The following NF1 variants were observed in gnomAD, a reference collection of about 807,000 sequenced individuals.
NF1 encodes neurofibromin 1.
NF1 carries 122 observed loss-of-function variants against 325.7 expected under a neutral mutation model. The ratio of observed to expected loss-of-function variants is 0.37; its 90% confidence interval spans 0.32 to 0.44. The LOEUF (loss-of-function observed/expected upper bound fraction) is 0.44, where lower values mean the gene tolerates loss of function less well. Ranked by LOEUF, NF1 falls within the 20% of genes least tolerant of loss-of-function variation. The pLI is 1.00. For missense variants in NF1, 2,140 were observed against 3,415.4 expected (o/e 0.63, Z 9.31); for synonymous variants, 1,091 against 1,186.0 (o/e 0.92, Z 1.65).
Position 31,258,347 on chromosome 17 carries a change from G to A in NF1, c.4177G>A (p.Val1393Ile), listed in dbSNP as rs2151461753. 1 of 1,613,484 alleles carries A rather than the reference G, an allele frequency of 6.2e-7. No individual in the cohort carries two copies. The highest frequency in any genetic ancestry group is 8.5e-7 in the Non-Finnish European group (1 of 1,179,818). The change falls in exon 32 of 58, where the codon GTT becomes ATT. Residue 1393 changes from valine (V) to isoleucine (I), a missense_variant. Physicochemically the swap from Val to Ile is conservative, Grantham distance 29 (BLOSUM62 3). Around this residue, in one of 10 missense-constraint regions of NF1, gnomAD observed 336 missense variants for 399.0 expected, o/e 0.84. Coordinates refer to ENST00000358273, the MANE Select transcript of NF1 (RefSeq NM_001042492.3). The part of the protein sequence containing the change: ...KEKKENKKSV[V>I]SQRFPQNSIG... ...ATTCTCAACTCCTTGTTTTTAGGTG[G>A]TTAGCCAGCGTTTCCCTCAGAACAG...
intron 1 of NF1, among the ~76,000 whole-genome samples, chr17:31,108,267 T>G (rs28643482): frequency 0.045 from 1,290 of 28,928 alleles, 13 homozygotes; most frequent in African/African-American, 0.07. Context: ...AGAGAGTTTT[T>G]TTTTTTTTTT....
At chr17:31,240,962 C>G (rs1048266804) in intron 29 of NF1, among the ~76,000 whole-genome samples, 2 of 152,134 alleles carry the variant, frequency 1.3e-5, no homozygotes, top group South Asian at 4.1e-4. Context: ...ACTGCAACCT[C>G]TGCCTCCTGG....
chr17:31,152,008 A>C (rs1916976955), intron 1 of NF1, among the ~76,000 whole-genome samples: 1 of 152,074 alleles, frequency 6.6e-6, no homozygotes, highest in Non-Finnish European at 1.5e-5. Context: ...CATTAGGTAT[A>C]TCTCCTAATG....
At chr17:31,100,008 T>TA (rs71142016) in intron 1 of NF1, among the ~76,000 whole-genome samples, 75,383 of 130,658 alleles carry the variant, frequency 0.58, 23,368 homozygotes, top group Middle Eastern at 0.8. Context: ...ATATTTGAAC[T>TA]AAAAAAAAAA....
chr17:31,265,718 A>G lies in NF1; in HGVS notation c.4835+379A>G, dbSNP rs1329914898. ...GGAAGAAATAAAACTATAAGAGCCT[A>G]TTTCTGAGAACTTTTAAAAATATGC... On this transcript the variant is annotated intron_variant, in intron 36 of 57. Transcript: ENST00000358273. Among the ~76,000 whole-genome samples the G allele has an allele frequency of 3.9e-5, 6 of 152,284 alleles. No homozygotes were observed. In the East Asian group the frequency reaches 1.2e-3, roughly 29 times the overall value.
chr17:31,330,535 T>C (rs2069456423), intron 39 of NF1, 37 bp downstream of exon 39: 13 of 1,414,422 alleles, frequency 9.2e-6, no homozygotes, highest in African/African-American at 1.4e-5. Flanking sequence ...CTAACAATTA[T>C]TCTAAGAGAA....
chr17:31,262,200 A>G (rs1012890594), intron 35 of NF1, among the ~76,000 whole-genome samples: 1 of 152,216 alleles, frequency 6.6e-6, no homozygotes, highest in Non-Finnish European at 1.5e-5. Context: ...CTAAGATTCC[A>G]CACCTGATTC....
chr17:31,239,556 G>T (rs922209873), intron 29 of NF1, among the ~76,000 whole-genome samples: 6 of 149,656 alleles, frequency 4.0e-5, no homozygotes, highest in South Asian at 2.1e-4. Flanking sequence ...AAGATGGGGG[G>T]AGGAATCAGA....
intron 1 of NF1, among the ~76,000 whole-genome samples, chr17:31,106,810 T>G (rs551545329): frequency 2.0e-5 from 3 of 152,206 alleles, no homozygotes; most frequent in Non-Finnish European, 2.9e-5. Flanking sequence ...ATAATACACT[T>G]ATTGTACATT....
chr17:31,114,562 A>G (rs947988701), intron 1 of NF1, among the ~76,000 whole-genome samples: 1 of 151,364 alleles, frequency 6.6e-6, no homozygotes, highest in Admixed American at 6.6e-5. Flanking sequence ...AAAAAAAAGA[A>G]AAAAAGACCA....
chr17:31,095,195 T>A lies in NF1; in HGVS notation c.-115T>A. The A allele has an allele frequency of 1.1e-6, 1 of 914,392 alleles. No individual in the cohort carries two copies. Among genetic ancestry groups the A allele is most frequent in the Non-Finnish European group, 1.7e-6 (1 of 591,030 alleles). The allele number at this position is 914,392 out of a possible 1,614,324, so 56.6% of individuals were successfully genotyped here. A position where few individuals can be genotyped will look rare whatever the true frequency, so the allele number is the denominator to read the frequency against. ...CCGTGGGAACACTGGGAGCCTGCAC[T>A]CCACAGACCCTCTCCTTGCCTCTTC... is the stretch of plus-strand genomic sequence containing the variant. On this transcript the variant is annotated 5_prime_UTR_variant, in exon 1 of 58. Coordinates refer to ENST00000358273, the MANE Select transcript of NF1 (RefSeq NM_001042492.3).
intron 1 of NF1, among the ~76,000 whole-genome samples, chr17:31,115,824 T>C (rs986876342): frequency 6.6e-6 from 1 of 152,246 alleles, no homozygotes; most frequent in Non-Finnish European, 1.5e-5. Context: ...TGCATATTCA[T>C]ATTCAGAATA....
chr17:31,284,847 G>A (rs868043971), intron 36 of NF1, among the ~76,000 whole-genome samples: 34 of 152,234 alleles, frequency 2.2e-4, no homozygotes, highest in African/African-American at 7.0e-4. Flanking sequence ...GAGGCCGGGC[G>A]TGGTGGCTCA....
At position 31,374,275 on chromosome 17, in the gene NF1, C is replaced by T; in HGVS notation, c.*120C>T. 7.4e-7 allele frequency: 1 copy of T among 1,358,796 alleles called. No individual in the cohort carries two copies. 84.2% of individuals were successfully genotyped at this position (1,358,796 alleles called of 1,614,324 possible). ...CTGCACTTCCTGTTTTATAATGAAC[C>T]CATCCGGTTTGCCATGTTGCCAGAT... On this transcript the variant is annotated 3_prime_UTR_variant, in exon 58 of 58. Coordinates refer to ENST00000358273, the MANE Select transcript of NF1 (RefSeq NM_001042492.3).
chr17:31,210,280 T>C (rs915364699), intron 12 of NF1, among the ~76,000 whole-genome samples: 1 of 152,174 alleles, frequency 6.6e-6, no homozygotes, highest in African/African-American at 2.4e-5. Context: ...TTACTTGATG[T>C]GGTTTCAAAA....
intron 36 of NF1, among the ~76,000 whole-genome samples, chr17:31,321,268 C>T (rs2069182215): frequency 6.6e-6 from 1 of 152,108 alleles, no homozygotes; most frequent in African/African-American, 2.4e-5. Context: ...GGAAACCAAA[C>T]TTAGATCCTT....
chr17:31,166,804 C>T (rs943717866), intron 4 of NF1, among the ~76,000 whole-genome samples: 2 of 152,082 alleles, frequency 1.3e-5, no homozygotes, highest in Non-Finnish European at 2.9e-5. Context: ...TATATCCAGT[C>T]TCCATGTGGA....
At chr17:31,125,197 A>G (rs1417146620) in intron 1 of NF1, among the ~76,000 whole-genome samples, 3 of 152,102 alleles carry the variant, frequency 2.0e-5, no homozygotes, top group Non-Finnish European at 2.9e-5. Context: ...TAATGGAATA[A>G]TACTGTAAGT....
At chr17:31,213,875 CAT>C (rs944601019) in intron 12 of NF1, among the ~76,000 whole-genome samples, 4 of 152,098 alleles carry the variant, frequency 2.6e-5, no homozygotes, top group Non-Finnish European at 5.9e-5. Flanking sequence ...AGATTGCCTA[CAT>C]GTTTCATTAA....
Sources: gnomAD v4.1 joint callset for allele counts (sites outside exome capture counted in the v4.1 genomes callset) on GRCh38, gnomAD v4.1.1 for gene constraint, gnomAD v4.1.1 regional missense constraint, MANE v1.5 for transcripts, NCBI Gene and HGNC (gene_info 2026-07-23, HGNC 2026-07-21) for gene names.